Variants in AGBL4 observed in about 807,000 individuals in gnomAD.
The protein encoded by AGBL4 is AGBL carboxypeptidase 4.
In AGBL4, 58 loss-of-function variants were observed where a neutral mutation model predicts 66.4. The observed-to-expected ratio is 0.87, with a 90% CI of 0.71 to 1.09. The LOEUF (loss-of-function observed/expected upper bound fraction) is 1.09, where lower values mean the gene tolerates loss of function less well. AGBL4 is among the 50% of genes least tolerant of loss of function. AGBL4 has a pLI of 0.00. For missense variants in AGBL4, 579 were observed against 631.0 expected (o/e 0.92, Z 0.88); for synonymous variants, 234 against 222.9 (o/e 1.05, Z -0.44).
At chr1:49,126,759 G>T (rs1645772748) in intron 4 of AGBL4, among the ~76,000 whole-genome samples, 1 of 152,084 alleles carries the variant, frequency 6.6e-6, no homozygotes, top group African/African-American at 2.4e-5. Flanking sequence ...GATTGTAAAT[G>T]ATTTTCCTAA....
intron 4 of AGBL4, among the ~76,000 whole-genome samples, chr1:49,064,434 G>A (rs1341511187): frequency 6.6e-6 from 1 of 152,170 alleles, no homozygotes; most frequent in African/African-American, 2.4e-5. Flanking sequence ...AAGACTTTGT[G>A]TTCCTTTATA....
intron 3 of AGBL4, among the ~76,000 whole-genome samples, chr1:49,598,978 G>T (rs1644903364): frequency 6.6e-6 from 1 of 152,218 alleles, no homozygotes; most frequent in Non-Finnish European, 1.5e-5. Context: ...ATAAGCCTTT[G>T]GATGTGCCGC....
At chr1:48,680,713 G>A (rs1570235914) in intron 6 of AGBL4, among the ~76,000 whole-genome samples, 1 of 152,348 alleles carries the variant, frequency 6.6e-6, no homozygotes, top group South Asian at 2.1e-4. Flanking sequence ...TGGCACCCAA[G>A]GCTCTGAAAT....
intron 5 of AGBL4, among the ~76,000 whole-genome samples, chr1:48,975,306 T>G (rs1278781472): frequency 2.0e-5 from 3 of 152,222 alleles, no homozygotes; most frequent in Non-Finnish European, 4.4e-5. Flanking sequence ...ATGTTACCAG[T>G]TTTTGGTGGA....
intron 3 of AGBL4, among the ~76,000 whole-genome samples, chr1:49,494,495 A>G (rs529248267): frequency 8.6e-5 from 13 of 151,950 alleles, no homozygotes; most frequent in East Asian, 5.8e-4. Flanking sequence ...TCATTGTTCA[A>G]TTCCCACCTA....
chr1:49,773,380 T>C (rs564657809), intron 2 of AGBL4, among the ~76,000 whole-genome samples: 2 of 152,346 alleles, frequency 1.3e-5, no homozygotes, highest in African/African-American at 4.8e-5. Context: ...CTTGTGACTC[T>C]ACATATCTGC....
intron 3 of AGBL4, among the ~76,000 whole-genome samples, chr1:49,282,633 C>G (rs1644300415): frequency 6.6e-6 from 1 of 152,180 alleles, no homozygotes; most frequent in Admixed American, 6.5e-5. Flanking sequence ...CTAGGGAGTG[C>G]CAGACAGTGG....
intron 3 of AGBL4, among the ~76,000 whole-genome samples, chr1:49,574,474 T>C (rs1354902107): frequency 6.6e-6 from 1 of 152,180 alleles, no homozygotes; most frequent in Non-Finnish European, 1.5e-5. Context: ...GAGATTGGTA[T>C]AGTGGACTGG....
At chr1:48,535,936 AG>A (rs1490472062) in intron 12 of AGBL4, among the ~76,000 whole-genome samples, 4 of 152,126 alleles carry the variant, frequency 2.6e-5, no homozygotes, top group Non-Finnish European at 5.9e-5. Context: ...AATCTATGCT[AG>A]GCCCTGCACC....
intron 4 of AGBL4, among the ~76,000 whole-genome samples, chr1:49,219,024 C>G (rs1649294850): frequency 6.6e-6 from 1 of 152,124 alleles, no homozygotes; most frequent in South Asian, 2.1e-4. Context: ...ATTACCCAGT[C>G]TCGAGTATGT....
intron 4 of AGBL4, among the ~76,000 whole-genome samples, chr1:49,178,319 T>G (rs930228227): frequency 1.3e-5 from 2 of 152,184 alleles, no homozygotes; most frequent in Admixed American, 6.5e-5. Flanking sequence ...TTACTTAAAT[T>G]TGGTGCTCAT....
intron 1 of AGBL4, among the ~76,000 whole-genome samples, chr1:49,961,695 T>C (rs1657132930): frequency 1.3e-5 from 2 of 152,112 alleles, no homozygotes; most frequent in South Asian, 4.1e-4. Context: ...GCATTTTAAT[T>C]AGATTCCAGA....
At chr1:49,390,812 T>C (rs1644829494) in intron 3 of AGBL4, among the ~76,000 whole-genome samples, 1 of 152,236 alleles carries the variant, frequency 6.6e-6, no homozygotes, top group Non-Finnish European at 1.5e-5. Context: ...ACAGAGACTC[T>C]GACCATTCAT....
chr1:49,273,197 T>A (rs188304772), intron 3 of AGBL4, among the ~76,000 whole-genome samples: 8 of 152,268 alleles, frequency 5.3e-5, no homozygotes, highest in Admixed American at 4.6e-4. Context: ...TCTTTATTAC[T>A]CTAACTTTGG....
chr1:49,992,706 A>G (rs1660052782), intron 1 of AGBL4, among the ~76,000 whole-genome samples: 1 of 152,040 alleles, frequency 6.6e-6, no homozygotes, highest in East Asian at 1.9e-4. Flanking sequence ...CAAATTCTCC[A>G]TTTCCTTATT....
At chr1:48,950,646 G>A (rs945338846) in intron 5 of AGBL4, among the ~76,000 whole-genome samples, 1 of 152,064 alleles carries the variant, frequency 6.6e-6, no homozygotes, top group Admixed American at 6.6e-5. Flanking sequence ...GAGTCTTTAG[G>A]TTTTTAAGAG....
At chr1:49,431,119 T>C (rs1360357315) in intron 3 of AGBL4, among the ~76,000 whole-genome samples, 1 of 152,220 alleles carries the variant, frequency 6.6e-6, no homozygotes, top group Non-Finnish European at 1.5e-5. Context: ...TAAACATTAA[T>C]ATACATTTCT....
intron 5 of AGBL4, among the ~76,000 whole-genome samples, chr1:48,978,849 C>T (rs1468802701): frequency 6.6e-6 from 1 of 152,086 alleles, no homozygotes; most frequent in South Asian, 2.1e-4. Context: ...TTAATAGCTG[C>T]AATGTTTTCA....
intron 3 of AGBL4, among the ~76,000 whole-genome samples, chr1:49,635,741 TC>T (rs1645658414): frequency 6.6e-6 from 1 of 152,068 alleles, no homozygotes; most frequent in African/African-American, 2.4e-5. Context: ...AGGAAACAAG[TC>T]AAGAGTTGGA....
Sources: allele counts gnomAD v4.1 joint callset (sites outside exome capture counted in the v4.1 genomes callset), GRCh38; gene constraint gnomAD v4.1.1; transcripts MANE v1.5; gene names NCBI Gene and HGNC (gene_info 2026-07-23, HGNC 2026-07-21).